GRIA4: variants seen among roughly 807,000 people sequenced by gnomAD.
GRIA4 encodes the protein glutamate ionotropic receptor AMPA type subunit 4, also known as glutamate receptor 4.
A neutral mutation model predicts 104.0 loss-of-function variants in GRIA4; 34 were observed. That is an observed-to-expected ratio of 0.33 (90% CI 0.25 to 0.44). The LOEUF is 0.44. Among genes scored for constraint, GRIA4 ranks in the 20% least tolerant of loss-of-function variants. The pLI is 1.00. For synonymous variants in GRIA4, 386 were observed against 381.9 expected (o/e 1.01, Z -0.13); for missense variants, 750 against 1,096.5 (o/e 0.68, Z 4.46).
chr11:105,903,627 G>T (rs1946942768), intron 7 of GRIA4, among the ~76,000 whole-genome samples, 187 bp from the exon 8 acceptor site: 1 of 152,084 alleles, frequency 6.6e-6, no homozygotes, highest in Non-Finnish European at 1.5e-5. Flanking sequence ...GATAAGATTT[G>T]GTATACAGGC....
chr11:105,865,961 G>A (rs926747032), intron 5 of GRIA4, among the ~76,000 whole-genome samples: 2 of 152,098 alleles, frequency 1.3e-5, no homozygotes, highest in African/African-American at 4.8e-5. Flanking sequence ...CTATTCCCAT[G>A]AACTCCCAAC....
chr11:105,931,357 TA>T (rs1055858528), intron 13 of GRIA4, among the ~76,000 whole-genome samples: 1 of 151,594 alleles, frequency 6.6e-6, no homozygotes, highest in Non-Finnish European at 1.5e-5. Context: ...AAAAACATTA[TA>T]AAAAATACTA....
chr11:105,831,182 G>T (rs955669549), intron 4 of GRIA4, among the ~76,000 whole-genome samples: 1 of 151,940 alleles, frequency 6.6e-6, no homozygotes, highest in African/African-American at 2.4e-5. Flanking sequence ...CTGGCAAGTT[G>T]GTATCAGCTC....
rs1301953060 is a variant in GRIA4, at chr11:105,903,744, G to A, written c.886-70G>A. 2.0e-5 allele frequency: 21 copies of A among 1,029,774 alleles called. No individual in the cohort carries two copies. In the South Asian group the frequency reaches 2.5e-4, roughly 12 times the overall value. 63.8% of individuals were successfully genotyped at this position (1,029,774 alleles called of 1,614,324 possible). ...GTGCTTTATGTCATAAACTTACAAA[G>A]ACCCCAGACCATTTCTGGCACTCGA... On this transcript the variant is annotated intron_variant, in intron 7 of 16. Coordinates refer to ENST00000282499, the MANE Select transcript of GRIA4 (RefSeq NM_000829.4).
chr11:105,838,162 A>G (rs1944263594), intron 4 of GRIA4, among the ~76,000 whole-genome samples: 1 of 152,210 alleles, frequency 6.6e-6, no homozygotes, highest in African/African-American at 2.4e-5. Context: ...AAAGTCACCT[A>G]ATCAAATAAC....
intron 3 of GRIA4, among the ~76,000 whole-genome samples, chr11:105,629,177 G>C (rs1022848149): frequency 6.6e-6 from 1 of 151,560 alleles, no homozygotes; most frequent in South Asian, 2.1e-4. Flanking sequence ...GGAGTTGAAG[G>C]CTGCAGTGAG....
At chr11:105,859,531 A>T (rs1945140405) in intron 4 of GRIA4, among the ~76,000 whole-genome samples, 1 of 152,168 alleles carries the variant, frequency 6.6e-6, no homozygotes, top group Non-Finnish European at 1.5e-5. Context: ...AAATTTCATC[A>T]GAAGGTGTGT....
At chr11:105,903,793 T>C (rs1591425273) in intron 7 of GRIA4, 21 bp from the exon 8 acceptor site, 1 of 1,546,880 alleles carries the variant, frequency 6.5e-7, no homozygotes, top group East Asian at 2.3e-5. Flanking sequence ...TTTACCATTA[T>C]GTTCATTTTC....
Position 105,979,816 on chromosome 11 carries a change from G to A in GRIA4, c.*77G>A, listed in dbSNP as rs2136300901. ...AACGCAGCCCTGAGGGACACGCCAC[G>A]CGCGGGTCTTTGCTAAACCAATCCT... On this transcript the variant is annotated 3_prime_UTR_variant, in exon 17 of 17. Coordinates refer to ENST00000282499, the MANE Select transcript of GRIA4 (RefSeq NM_000829.4). The A allele has an allele frequency of 3.6e-6, 4 of 1,104,316 alleles. No homozygotes were observed. Among genetic ancestry groups the A allele is most frequent in the African/African-American group, 1.6e-5 (1 of 64,468 alleles). The allele number at this position is 1,104,316 out of a possible 1,614,324, so 68.4% of individuals were successfully genotyped here.
intron 3 of GRIA4, among the ~76,000 whole-genome samples, chr11:105,700,970 C>T (rs553318946): frequency 6.6e-6 from 1 of 152,296 alleles, no homozygotes; most frequent in South Asian, 2.1e-4. Flanking sequence ...GCCTCACTCA[C>T]CAGCTTCTCA....
intron 3 of GRIA4, among the ~76,000 whole-genome samples, chr11:105,652,349 C>A (rs1359980569): frequency 6.6e-6 from 1 of 152,162 alleles, no homozygotes; most frequent in African/African-American, 2.4e-5. Flanking sequence ...CCCATCAGAT[C>A]CTTCTCAAGC....
At chr11:105,621,727 G>A (rs1030591142) in intron 3 of GRIA4, among the ~76,000 whole-genome samples, 7 of 151,572 alleles carry the variant, frequency 4.6e-5, no homozygotes, top group Non-Finnish European at 8.9e-5. Context: ...AGTTCCTGGA[G>A]GTAAAATTGC....
intron 3 of GRIA4, among the ~76,000 whole-genome samples, chr11:105,684,395 T>C (rs1190565652): frequency 6.6e-6 from 1 of 151,950 alleles, no homozygotes; most frequent in Non-Finnish European, 1.5e-5. Context: ...ATGTCAGGCA[T>C]TTGTTTAGAT....
At chr11:105,698,558 G>A (rs1000882397) in intron 3 of GRIA4, among the ~76,000 whole-genome samples, 4 of 152,128 alleles carry the variant, frequency 2.6e-5, no homozygotes, top group African/African-American at 9.7e-5. Context: ...AGACACGAAA[G>A]GAATCAAATC....
intron 4 of GRIA4, among the ~76,000 whole-genome samples, chr11:105,787,272 A>G (rs1942009593): frequency 6.6e-6 from 1 of 152,100 alleles, no homozygotes. Context: ...AATTTGAGCA[A>G]TAGTGATTAT....
intron 3 of GRIA4, among the ~76,000 whole-genome samples, chr11:105,736,070 A>G (rs1938917761): frequency 6.6e-6 from 1 of 152,186 alleles, no homozygotes; most frequent in African/African-American, 2.4e-5. Flanking sequence ...CAATGCTTAA[A>G]AATTAGAAGA....
intron 3 of GRIA4, among the ~76,000 whole-genome samples, chr11:105,690,690 T>C (rs112209198): frequency 4.5e-4 from 68 of 152,238 alleles, no homozygotes; most frequent in African/African-American, 1.2e-4. Context: ...TAAAAAGATA[T>C]GTGCATGCTC....
chr11:105,872,388 C>T (rs1208250653), intron 5 of GRIA4, among the ~76,000 whole-genome samples: 1 of 152,040 alleles, frequency 6.6e-6, no homozygotes. Context: ...CCTCCCAGAG[C>T]CAATGGCTCA....
At chr11:105,803,429 T>G (rs1279708456) in intron 4 of GRIA4, among the ~76,000 whole-genome samples, 1 of 151,964 alleles carries the variant, frequency 6.6e-6, no homozygotes, top group Non-Finnish European at 1.5e-5. Context: ...TATATACATA[T>G]AAAATTTTAT....
Sources: allele counts gnomAD v4.1 joint callset (sites outside exome capture counted in the v4.1 genomes callset), GRCh38; gene constraint gnomAD v4.1.1; transcripts MANE v1.5; gene names NCBI Gene and HGNC (gene_info 2026-07-23, HGNC 2026-07-21).